The following ZNF804A variants were observed in gnomAD, a reference collection of about 807,000 sequenced individuals.
ZNF804A encodes the protein zinc finger protein 804A.
Under a neutral mutation model 16.5 loss-of-function variants are expected in ZNF804A, and 2 were observed. That is an observed-to-expected ratio of 0.12 (90% confidence interval 0.05 to 0.38). The LOEUF (loss-of-function observed/expected upper bound fraction) is 0.38, where lower values mean the gene tolerates loss of function less well. ZNF804A is among the 10% of genes least tolerant of loss of function. ZNF804A has a pLI of 0.99. For missense variants in ZNF804A, 1,473 were observed against 1,390.7 expected (o/e 1.06, Z -0.94); for synonymous variants, 534 against 489.6 (o/e 1.09, Z -1.20).
chr2:184,881,343 A>G (rs1004291194), intron 2 of ZNF804A, among the ~76,000 whole-genome samples: 7 of 147,736 alleles, frequency 4.7e-5, no homozygotes, highest in Non-Finnish European at 1.1e-4. Context: ...TGGAAAACGT[A>G]CTTCAGAATA....
intron 1 of ZNF804A, among the ~76,000 whole-genome samples, chr2:184,695,176 T>G (rs1692810470): frequency 1.3e-5 from 2 of 152,154 alleles, no homozygotes; most frequent in Admixed American, 6.5e-5. Context: ...GAATGACTTT[T>G]TAAGGCTGGG....
At chr2:184,730,913 G>T (rs943285026) in intron 1 of ZNF804A, among the ~76,000 whole-genome samples, 2 of 151,690 alleles carry the variant, frequency 1.3e-5, no homozygotes, top group African/African-American at 4.8e-5. Flanking sequence ...ATGATTGCTG[G>T]ATGGGATTAT....
intron 1 of ZNF804A, among the ~76,000 whole-genome samples, chr2:184,774,090 C>T (rs1323302329): frequency 1.3e-5 from 2 of 151,740 alleles, no homozygotes; most frequent in Non-Finnish European, 2.9e-5. Context: ...AAAATCTTGC[C>T]TTTTTTAGGT....
intron 1 of ZNF804A, among the ~76,000 whole-genome samples, chr2:184,782,057 T>C (rs545624857): frequency 6.6e-6 from 1 of 151,862 alleles, no homozygotes; most frequent in African/African-American, 2.4e-5. Context: ...GGATATGAGT[T>C]AGTGGATTAG....
chr2:184,647,923 G>C (rs575147928), intron 1 of ZNF804A, among the ~76,000 whole-genome samples: 2 of 151,996 alleles, frequency 1.3e-5, no homozygotes, highest in Non-Finnish European at 2.9e-5. Context: ...TCTCACCAAA[G>C]GACGTAGTCA....
At chr2:184,842,662 A>G (rs1228943948) in intron 1 of ZNF804A, among the ~76,000 whole-genome samples, 2 of 152,272 alleles carry the variant, frequency 1.3e-5, no homozygotes, top group South Asian at 2.1e-4. Context: ...CAATGAAAAA[A>G]TAATAAGAAA....
At chr2:184,932,665 A>G (rs1685721149) in intron 2 of ZNF804A, among the ~76,000 whole-genome samples, 3 of 152,346 alleles carry the variant, frequency 2.0e-5, no homozygotes, top group Admixed American at 2.0e-4. Context: ...CTGACATATT[A>G]CAATTGCATA....
intron 1 of ZNF804A, among the ~76,000 whole-genome samples, chr2:184,735,065 T>C (rs950511524): frequency 1.4e-4 from 22 of 152,286 alleles, no homozygotes; most frequent in Non-Finnish European, 3.1e-4. Flanking sequence ...TTAAAGTGTA[T>C]TGCTTCTAGA....
intron 1 of ZNF804A, among the ~76,000 whole-genome samples, chr2:184,632,115 A>C (rs1691621596): frequency 6.6e-6 from 1 of 152,190 alleles, no homozygotes; most frequent in African/African-American, 2.4e-5. Flanking sequence ...GTACCTTTAC[A>C]AGTGGTCAGT....
At chr2:184,908,343 A>C (rs78530215) in intron 2 of ZNF804A, among the ~76,000 whole-genome samples, 319 of 152,148 alleles carry the variant, frequency 2.1e-3, no homozygotes, top group Middle Eastern at 0.01. Context: ...TGCTTCTGCC[A>C]CCACATCTCC....
chr2:184,739,336 T>C (rs1162573108), intron 1 of ZNF804A, among the ~76,000 whole-genome samples: 2 of 152,208 alleles, frequency 1.3e-5, no homozygotes, highest in Non-Finnish European at 2.9e-5. Context: ...TATTGGCTAT[T>C]GTTAATAATT....
chr2:184,757,345 A>G (rs1202704173), intron 1 of ZNF804A, among the ~76,000 whole-genome samples: 2 of 151,964 alleles, frequency 1.3e-5, no homozygotes, highest in Non-Finnish European at 2.9e-5. Flanking sequence ...TACAATGTCT[A>G]AACACTAATT....
intron 2 of ZNF804A, among the ~76,000 whole-genome samples, chr2:184,886,088 G>C (rs1026512250): frequency 6.6e-6 from 1 of 152,112 alleles, no homozygotes; most frequent in African/African-American, 2.4e-5. Context: ...AAAACCAAAA[G>C]CAAGCTAGTT....
intron 1 of ZNF804A, among the ~76,000 whole-genome samples, chr2:184,657,016 C>A (rs1692088338): frequency 1.3e-5 from 2 of 152,130 alleles, no homozygotes; most frequent in African/African-American, 4.8e-5. Flanking sequence ...TGCTAAATAT[C>A]ATAGAAAACA....
intron 1 of ZNF804A, among the ~76,000 whole-genome samples, chr2:184,694,432 G>A (rs1692787154): frequency 6.6e-6 from 1 of 152,102 alleles, no homozygotes; most frequent in African/African-American, 2.4e-5. Flanking sequence ...ATATAATTAT[G>A]TGTGCTTTCA....
intron 1 of ZNF804A, among the ~76,000 whole-genome samples, chr2:184,647,411 T>C (rs1691896123): frequency 6.6e-6 from 1 of 152,142 alleles, no homozygotes; most frequent in African/African-American, 2.4e-5. Flanking sequence ...TGGAAACTTA[T>C]AAATGATGGA....
At chr2:184,739,676 G>A (rs549680933) in intron 1 of ZNF804A, among the ~76,000 whole-genome samples, 1 of 152,292 alleles carries the variant, frequency 6.6e-6, no homozygotes, top group South Asian at 2.1e-4. Flanking sequence ...ACAGGTGTGA[G>A]CCACCATGCT....
chr2:184,886,639 C>T (rs1024417857), intron 2 of ZNF804A, among the ~76,000 whole-genome samples: 5 of 152,252 alleles, frequency 3.3e-5, no homozygotes, highest in Non-Finnish European at 7.3e-5. Flanking sequence ...GTGCCCAAAC[C>T]TCAATTCTTG....
At chr2:184,906,612 T>A (rs1685279396) in intron 2 of ZNF804A, among the ~76,000 whole-genome samples, 1 of 152,144 alleles carries the variant, frequency 6.6e-6, no homozygotes, top group Admixed American at 6.6e-5. Flanking sequence ...ATTTCCTTTT[T>A]AATGTCATCT....
Sources: allele counts gnomAD v4.1 joint callset (sites outside exome capture counted in the v4.1 genomes callset), GRCh38; gene constraint gnomAD v4.1.1; transcripts MANE v1.5; gene names NCBI Gene and HGNC (gene_info 2026-07-23, HGNC 2026-07-21).